The following XKR4 variants were observed in gnomAD, a reference collection of about 807,000 sequenced individuals.
The protein encoded by XKR4 is XK-related protein 4.
In XKR4, 12 loss-of-function variants were observed where a neutral mutation model predicts 53.9. The ratio of observed to expected loss-of-function variants is 0.22; its 90% confidence interval spans 0.14 to 0.36. The LOEUF (loss-of-function observed/expected upper bound fraction) is 0.36, where lower values mean the gene tolerates loss of function less well. Ranked by LOEUF, XKR4 falls within the 10% of genes least tolerant of loss-of-function variation. XKR4 has a pLI of 1.00. For missense variants in XKR4, 799 were observed against 859.5 expected (o/e 0.93, Z 0.88); for synonymous variants, 354 against 362.4 (o/e 0.98, Z 0.26).
chr8:55,454,859 A>T (rs2929042), intron 2 of XKR4: 764,101 of 764,112 alleles, frequency 1, 382,045 homozygotes, highest in Middle Eastern at 1. Context: ...CCTCCCACTC[A>T]GTGGCATCCT....
At chr8:55,503,834 G>T (rs1376008311) in intron 2 of XKR4, among the ~76,000 whole-genome samples, 1 of 151,838 alleles carries the variant, frequency 6.6e-6, no homozygotes, top group African/African-American at 2.4e-5. Context: ...TTTAGCTGTG[G>T]GCTTTTCGTT....
intron 1 of XKR4, among the ~76,000 whole-genome samples, chr8:55,128,145 G>A (rs1287188125): frequency 2.0e-5 from 3 of 151,932 alleles, no homozygotes; most frequent in Non-Finnish European, 4.4e-5. Flanking sequence ...AGATCCCTGA[G>A]GAATCGCCAC....
chr8:55,208,801 C>T (rs934294590), intron 1 of XKR4, among the ~76,000 whole-genome samples: 1 of 152,092 alleles, frequency 6.6e-6, no homozygotes, highest in Non-Finnish European at 1.5e-5. Flanking sequence ...CCTTAAAACC[C>T]TACCGTGTGG....
chr8:55,206,293 T>C (rs1027934937), intron 1 of XKR4, among the ~76,000 whole-genome samples: 1 of 152,156 alleles, frequency 6.6e-6, no homozygotes, highest in Admixed American at 6.5e-5. Context: ...TACAGAGTGC[T>C]GATTGGTCCG....
intron 2 of XKR4, among the ~76,000 whole-genome samples, chr8:55,520,253 T>C (rs1285997110): frequency 6.6e-6 from 1 of 152,238 alleles, no homozygotes; most frequent in African/African-American, 2.4e-5. Flanking sequence ...ATATTTGTCT[T>C]ATAAAAATCA....
chr8:55,411,543 A>G (rs1443003685), intron 2 of XKR4, among the ~76,000 whole-genome samples: 1 of 152,202 alleles, frequency 6.6e-6, no homozygotes, highest in Non-Finnish European at 1.5e-5. Flanking sequence ...TGAGGTTGGA[A>G]TGTTTCTGCT....
chr8:55,418,461 C>T (rs1190373006), intron 2 of XKR4, among the ~76,000 whole-genome samples: 1 of 152,184 alleles, frequency 6.6e-6, no homozygotes, highest in African/African-American at 2.4e-5. Context: ...CTGGTTTTAA[C>T]TTAAAAATAG....
intron 2 of XKR4, among the ~76,000 whole-genome samples, chr8:55,439,814 G>A (rs1805239229): frequency 2.0e-5 from 3 of 152,146 alleles, no homozygotes; most frequent in Admixed American, 2.0e-4. Flanking sequence ...AGAGGTAACA[G>A]CTAAGAATTT....
At position 55,317,131 on chromosome 8, in the gene XKR4, G is replaced by GA. The variant is rs924310132; in HGVS notation, c.807-40539dup. Among the ~76,000 whole-genome samples the GA allele has an allele frequency of 7.9e-5, 12 of 151,256 alleles. 1 individual carries two copies. Among genetic ancestry groups the GA allele is most frequent in the African/African-American group, 1.5e-4 (6 of 41,150 alleles). On this transcript the variant is annotated intron_variant, in intron 1 of 2. Transcript: ENST00000327381. Reference sequence around the variant, plus strand: ...CTGTTCTGGAAACTTAACAGACTAGGAAAAAAAACAAAATTATAGTAATCA... The same window carrying GA: ...CTGTTCTGGAAACTTAACAGACTAGGAAAAAAAAACAAAATTATAGTAATCA...
intron 1 of XKR4, among the ~76,000 whole-genome samples, chr8:55,339,962 G>T (rs1482656518): frequency 6.6e-6 from 1 of 152,112 alleles, no homozygotes; most frequent in East Asian, 1.9e-4. Context: ...AAGTCTTATT[G>T]TCCACTGGTG....
At chr8:55,306,214 G>A (rs531585664) in intron 1 of XKR4, among the ~76,000 whole-genome samples, 1 of 152,310 alleles carries the variant, frequency 6.6e-6, no homozygotes, top group Admixed American at 6.5e-5. Context: ...GAAATGGGTG[G>A]TAGGCTGTTT....
At chr8:55,480,973 A>G (rs181147831) in intron 2 of XKR4, among the ~76,000 whole-genome samples, 2 of 152,108 alleles carry the variant, frequency 1.3e-5, no homozygotes, top group African/African-American at 4.8e-5. Flanking sequence ...GACATACTGC[A>G]CAAGGTAATT....
intron 2 of XKR4, among the ~76,000 whole-genome samples, chr8:55,469,457 T>G (rs1157157726): frequency 6.6e-6 from 1 of 152,150 alleles, no homozygotes; most frequent in East Asian, 1.9e-4. Context: ...CTTTTAGGGT[T>G]GATTTTGAAT....
intron 1 of XKR4, among the ~76,000 whole-genome samples, chr8:55,333,415 C>T (rs574418826): frequency 7.9e-5 from 12 of 152,204 alleles, no homozygotes; most frequent in Admixed American, 2.6e-4. Context: ...GACTTAAAGT[C>T]TTCTCAGGAC....
At chr8:55,492,557 T>C (rs2658909) in intron 2 of XKR4, among the ~76,000 whole-genome samples, 61,698 of 151,826 alleles carry the variant, frequency 0.41, 13,697 homozygotes, top group African/African-American at 0.58. Context: ...GGGGACTCAC[T>C]GAGTACTCTT....
intron 1 of XKR4, among the ~76,000 whole-genome samples, chr8:55,302,184 G>A (rs1819210315): frequency 6.6e-6 from 1 of 152,164 alleles, no homozygotes; most frequent in African/African-American, 2.4e-5. Context: ...AAGGTGTAAG[G>A]AAGGGATCCA....
chr8:55,515,286 G>C (rs571451157), intron 2 of XKR4, among the ~76,000 whole-genome samples: 7 of 152,306 alleles, frequency 4.6e-5, no homozygotes, highest in African/African-American at 1.4e-4. Context: ...GTTTAAAACA[G>C]AGATAAAATG....
chr8:55,443,556 A>AAAG (rs1805301264), intron 2 of XKR4, among the ~76,000 whole-genome samples: 1 of 126,980 alleles, frequency 7.9e-6, no homozygotes, highest in South Asian at 2.6e-4. Flanking sequence ...AAAAAAAAAA[A>AAAG]CAGAAGGAGG....
rs552806812 is a variant in XKR4 at position 55,473,345 on chromosome 8, A to G, written c.1007-49936A>G. ...GATAGCCAATATCTTCTCCCCTCCT[A>G]AGTCACAAAGCAACAACCCTATCTT... On this transcript the variant is annotated intron_variant, in intron 2 of 2. Coordinates refer to ENST00000327381, the MANE Select transcript of XKR4 (RefSeq NM_052898.2). Among the ~76,000 whole-genome samples, 5 of 152,196 alleles carry G rather than the reference A, an allele frequency of 3.3e-5. No individual in the cohort carries two copies. In the South Asian group the frequency reaches 1.0e-3, roughly 32 times the overall value.
Sources: allele counts gnomAD v4.1 joint callset (sites outside exome capture counted in the v4.1 genomes callset), GRCh38; gene constraint gnomAD v4.1.1; transcripts MANE v1.5; gene names NCBI Gene and HGNC (gene_info 2026-07-23, HGNC 2026-07-21).